Variants in LINGO2 observed in about 807,000 individuals in gnomAD.
LINGO2 encodes the protein leucine-rich repeat and immunoglobulin-like domain-containing nogo receptor-interacting protein 2.
In LINGO2, 14 loss-of-function variants were observed where a neutral mutation model predicts 30.6. The ratio of observed to expected loss-of-function variants is 0.46; its 90% confidence interval spans 0.30 to 0.72. The LOEUF is 0.72. Among genes scored for constraint, LINGO2 ranks in the 30% least tolerant of loss-of-function variants. The probability of loss-of-function intolerance (pLI) is 0.07; values close to 1 mark genes in which losing one functional copy is unlikely to be tolerated. For synonymous variants in LINGO2, 317 were observed against 288.5 expected (o/e 1.10, Z -1.00); for missense variants, 729 against 751.7 (o/e 0.97, Z 0.35).
chr9:28,336,858 CT>C (rs202179217), intron 3 of LINGO2, among the ~76,000 whole-genome samples: 2,928 of 151,858 alleles, frequency 0.019, 89 homozygotes, highest in Admixed American at 0.082. Context: ...TACTAGAATA[CT>C]TTTTTTAAAT....
rs142161549 is a variant in LINGO2 at position 28,587,477 on chromosome 9, C to T, written c.-365+82723G>A. On this transcript the variant is annotated intron_variant, in intron 1 of 5. Coordinates refer to ENST00000379992, the Ensembl canonical transcript of LINGO2. ...TAGCCTTCCCTCTGTCTCTCAGCTC[C>T]GGAGAATCTCAGATAGGCTGGTGTG... 2.5e-4 allele frequency among the ~76,000 whole-genome samples: 38 copies of T among 152,018 alleles called. No homozygotes were observed. In the South Asian group the frequency reaches 4.6e-3, roughly 18 times the overall value.
At chr9:28,459,298 C>T (rs1298807022) in intron 2 of LINGO2, among the ~76,000 whole-genome samples, 1 of 151,314 alleles carries the variant, frequency 6.6e-6, no homozygotes, top group Non-Finnish European at 1.5e-5. Context: ...GCACATGCTA[C>T]TATTTTCTTG....
chr9:29,159,405 A>G, the LINGO2 span, among the ~76,000 whole-genome samples: 1 of 152,202 alleles, frequency 6.6e-6, no homozygotes, highest in South Asian at 2.1e-4. Flanking sequence ...GCAATCTACA[A>G]TGACATACTA....
chr9:28,832,651 T>C, the LINGO2 span, among the ~76,000 whole-genome samples: 1 of 152,100 alleles, frequency 6.6e-6, no homozygotes, highest in East Asian at 1.9e-4. Flanking sequence ...TTACTCAACA[T>C]AAAAGAGTAG....
At chr9:29,081,226 C>G in the LINGO2 span, among the ~76,000 whole-genome samples, 7 of 152,100 alleles carry the variant, frequency 4.6e-5, no homozygotes, top group South Asian at 2.1e-4. Flanking sequence ...AGCTTATCCA[C>G]CATGATCAAG....
At chr9:28,930,045 T>C in the LINGO2 span, among the ~76,000 whole-genome samples, 4 of 152,188 alleles carry the variant, frequency 2.6e-5, no homozygotes, top group Admixed American at 1.3e-4. This position sits in a 1 kb window ranked among gnomAD's most constrained non-coding sequence, Gnocchi z 4.2. Flanking sequence ...TCATCACTTC[T>C]TTGCATCAAC....
the LINGO2 span, among the ~76,000 whole-genome samples, chr9:29,010,135 A>G: frequency 1.3e-5 from 2 of 152,178 alleles, no homozygotes; most frequent in Non-Finnish European, 2.9e-5. Context: ...GGACTTCATG[A>G]CTAAAACACC....
chr9:28,587,773 T>C (rs1244715781), intron 1 of LINGO2, among the ~76,000 whole-genome samples: 1 of 151,904 alleles, frequency 6.6e-6, no homozygotes, highest in African/African-American at 2.4e-5. Context: ...CTGCAGTAGG[T>C]ACCGGCTTCA....
chr9:28,937,349 C>A, the LINGO2 span, among the ~76,000 whole-genome samples: 7 of 152,086 alleles, frequency 4.6e-5, no homozygotes, highest in African/African-American at 1.4e-4. Flanking sequence ...ACCTGCGAAA[C>A]CTAACAAGGT....
chr9:28,949,005 C>T, the LINGO2 span, among the ~76,000 whole-genome samples: 1 of 152,012 alleles, frequency 6.6e-6, no homozygotes. Flanking sequence ...ACTTCAGGTA[C>T]AGACTTTGAA....
At chr9:28,727,503 T>C in the LINGO2 span, among the ~76,000 whole-genome samples, 1 of 152,148 alleles carries the variant, frequency 6.6e-6, no homozygotes, top group Non-Finnish European at 1.5e-5. Context: ...TTAGCCAGGA[T>C]GGTCTCAATC....
intron 4 of LINGO2, among the ~76,000 whole-genome samples, chr9:28,145,675 T>G (rs952243096): frequency 3.3e-5 from 5 of 151,972 alleles, no homozygotes; most frequent in African/African-American, 1.2e-4. Flanking sequence ...CCTCCCTCCT[T>G]CTCCCTCTCT....
chr9:29,141,820 T>C, the LINGO2 span, among the ~76,000 whole-genome samples: 22 of 151,800 alleles, frequency 1.4e-4, no homozygotes, highest in African/African-American at 4.8e-4. Context: ...ATAGATTATA[T>C]CATGATAAAA....
chr9:28,425,331 A>G (rs564578442), intron 2 of LINGO2, among the ~76,000 whole-genome samples: 45 of 147,850 alleles, frequency 3.0e-4, no homozygotes, highest in Non-Finnish European at 4.9e-4. Context: ...GTGTGTGTGT[A>G]TATATATATA....
chr9:29,098,207 T>C, the LINGO2 span, among the ~76,000 whole-genome samples: 1 of 152,144 alleles, frequency 6.6e-6, no homozygotes, highest in Non-Finnish European at 1.5e-5. Flanking sequence ...TATCAAATAG[T>C]GGTTGAGCAT....
intron 2 of LINGO2, among the ~76,000 whole-genome samples, chr9:28,397,642 G>C (rs892572147): frequency 6.7e-6 from 1 of 148,576 alleles, no homozygotes; most frequent in Non-Finnish European, 1.5e-5. Context: ...CCACCTCCCG[G>C]GTTCACACCA....
chr9:27,955,258 C>T (rs1183785272), intron 5 of LINGO2, among the ~76,000 whole-genome samples: 3 of 152,160 alleles, frequency 2.0e-5, no homozygotes, highest in Non-Finnish European at 1.5e-5. Flanking sequence ...TCATCAATTT[C>T]TCCACCTCAT....
intron 4 of LINGO2, among the ~76,000 whole-genome samples, chr9:28,256,061 A>G (rs1474311295): frequency 6.6e-6 from 1 of 152,068 alleles, no homozygotes; most frequent in Admixed American, 6.6e-5. Flanking sequence ...ATCTTTGATT[A>G]GATTCTCAAA....
chr9:28,456,970 A>C (rs753408776), intron 2 of LINGO2, among the ~76,000 whole-genome samples: 8 of 152,204 alleles, frequency 5.3e-5, no homozygotes, highest in Non-Finnish European at 1.2e-4. Context: ...GAGAGCCTCC[A>C]GAACTTGGAA....
Sources: allele counts gnomAD v4.1 joint callset (sites outside exome capture counted in the v4.1 genomes callset), GRCh38; gene constraint gnomAD v4.1.1; non-coding constraint Gnocchi (gnomAD v3.1); transcripts MANE v1.5; gene names NCBI Gene and HGNC (gene_info 2026-07-23, HGNC 2026-07-21).